Variants in NRG1 observed in about 807,000 individuals in gnomAD.
The protein encoded by NRG1 is pro-neuregulin-1, membrane-bound isoform.
A neutral mutation model predicts 63.8 loss-of-function variants in NRG1; 18 were observed. The ratio of observed to expected loss-of-function variants is 0.28; its 90% CI spans 0.19 to 0.42. NRG1 has a LOEUF of 0.42. Ranked by LOEUF, NRG1 falls within the 10% of genes least tolerant of loss-of-function variation. NRG1 has a pLI of 1.00. For missense variants in NRG1, 762 were observed against 814.7 expected, an observed-to-expected ratio of 0.94 and a Z score of 0.79; for synonymous variants, 302 against 301.3, an observed-to-expected ratio of 1.00 and a Z score of -0.02.
In NRG1 at chr8:31,640,823, C is replaced by CAG; in HGVS notation, c.37+1395_37+1396dup. 13 of 1,416,304 alleles carry CAG rather than the reference C, an allele frequency of 9.2e-6. No homozygotes were observed. The highest frequency in any genetic ancestry group is 1.1e-5 in the Non-Finnish European group (12 of 1,087,474). The allele number at this position is 1,416,304 out of a possible 1,614,324, so 87.7% of individuals were successfully genotyped here. A position where few individuals can be genotyped will look rare whatever the true frequency, so the allele number is the denominator to read the frequency against. ...GGGCTCGACGGCCGCCCGAGCAAGG[C>CAG]AGAGGCGCTCTGGGTCCCAGTTGTT... On this transcript the variant is annotated intron_variant, in intron 1 of 10. Coordinates refer to the NRG1 transcript ENST00000519301. This position sits in a 1 kb window ranked among gnomAD's most constrained non-coding sequence, Gnocchi z 6.3.
At chr8:31,748,575 C>G (rs911955674) in intron 1 of NRG1, among the ~76,000 whole-genome samples, 10 of 151,812 alleles carry the variant, frequency 6.6e-5, no homozygotes, top group African/African-American at 2.4e-4. Context: ...TATGGCTGAC[C>G]TAGAGCAGTG....
At chr8:32,672,388 T>G (rs958850915) in intron 5 of NRG1, among the ~76,000 whole-genome samples, 5 of 152,164 alleles carry the variant, frequency 3.3e-5, no homozygotes, top group Non-Finnish European at 7.3e-5. Context: ...TTATTCACTA[T>G]TGCTGACATC....
intron 1 of NRG1, among the ~76,000 whole-genome samples, chr8:31,909,096 TAC>T (rs1832744727): frequency 6.6e-6 from 1 of 152,192 alleles, no homozygotes; most frequent in Non-Finnish European, 1.5e-5. Context: ...AGTAAAAAGC[TAC>T]ACTTTGTGGC....
At chr8:32,030,145 A>G (rs1030561430) in intron 1 of NRG1, among the ~76,000 whole-genome samples, 2 of 152,208 alleles carry the variant, frequency 1.3e-5, no homozygotes, top group Non-Finnish European at 2.9e-5. Flanking sequence ...TCATTGATAC[A>G]TTTCAAAATA....
intron 1 of NRG1, among the ~76,000 whole-genome samples, chr8:32,294,640 G>A (rs1854621221): frequency 6.6e-6 from 1 of 152,174 alleles, no homozygotes; most frequent in Admixed American, 6.5e-5. Flanking sequence ...TCTGAAAAGA[G>A]CAAGTTCTGC....
intron 1 of NRG1, among the ~76,000 whole-genome samples, chr8:32,403,584 T>C (rs984826476): frequency 1.3e-5 from 2 of 152,190 alleles, no homozygotes; most frequent in African/African-American, 2.4e-5. Flanking sequence ...AAATAGAGTA[T>C]CTGAATCCCT....
chr8:31,821,796 C>T (rs1824030958), intron 1 of NRG1, among the ~76,000 whole-genome samples: 2 of 151,934 alleles, frequency 1.3e-5, no homozygotes, highest in Admixed American at 6.6e-5. Flanking sequence ...AGCATGAATT[C>T]TCACTTTTCT....
At chr8:31,776,170 G>A (rs533305184) in intron 1 of NRG1, among the ~76,000 whole-genome samples, 59 of 152,302 alleles carry the variant, frequency 3.9e-4, no homozygotes, top group African/African-American at 1.3e-3. Context: ...TGTGGAACTC[G>A]AGGGGTTGGC....
chr8:31,671,072 C>G (rs1434101475), intron 1 of NRG1, among the ~76,000 whole-genome samples: 1 of 152,168 alleles, frequency 6.6e-6, no homozygotes, highest in Non-Finnish European at 1.5e-5. Flanking sequence ...GTTTTCTGTT[C>G]CTGTGTTAAT....
At chr8:32,721,736 G>C in intron 5 of NRG1, 1 of 832,134 alleles carries the variant, frequency 1.2e-6, no homozygotes, top group Non-Finnish European at 1.6e-6. Context: ...CAAGGCTTCC[G>C]TGGTTCTGAG....
chr8:32,771,456 T>A (rs2129066844), downstream of NRG1, among the ~76,000 whole-genome samples: 1 of 151,504 alleles, frequency 6.6e-6, no homozygotes, highest in African/African-American at 2.4e-5. Flanking sequence ...CAGTATAAGT[T>A]CAGCTTGCTT....
At position 32,537,195 on chromosome 8, in the gene NRG1, C is replaced by CAAAAAAAAAAAAAAA. The variant is rs71208193; in HGVS notation, c.38-58622_38-58608dup. Reference sequence around the variant, plus strand: ...TCAGTGGCACAGTGAGACTCCATCTCAAAAAAAAAAAAAAAAAAAAAAAAA... The same window carrying CAAAAAAAAAAAAAAA: ...TCAGTGGCACAGTGAGACTCCATCTCAAAAAAAAAAAAAAAAAAAAAAAAAAAAAAAAAAAAAAAA... On this transcript the variant is annotated intron_variant, in intron 1 of 10. Coordinates refer to the NRG1 transcript ENST00000519301. 2.0e-3 allele frequency among the ~76,000 whole-genome samples: 86 copies of CAAAAAAAAAAAAAAA among 43,812 alleles called. 6 individuals carry two copies. Among genetic ancestry groups the CAAAAAAAAAAAAAAA allele is most frequent in the Non-Finnish European group, 2.7e-3 (74 of 27,084 alleles). The allele number at this position is 43,812 out of a possible 152,430, so 28.7% of individuals were successfully genotyped here.
chr8:32,759,154 T>G, intron 9 of NRG1, 152 bp from the exon 10 acceptor site: 1 of 858,984 alleles, frequency 1.2e-6, no homozygotes, highest in Non-Finnish European at 1.7e-6. Context: ...CACCTGGCCA[T>G]TGGGGAAATG....
chr8:31,768,988 G>A (rs963684090), intron 1 of NRG1, among the ~76,000 whole-genome samples: 2 of 152,158 alleles, frequency 1.3e-5, no homozygotes, highest in Admixed American at 6.6e-5. Context: ...TGCAGATGCA[G>A]TTGCATGAGA....
intron 1 of NRG1, among the ~76,000 whole-genome samples, chr8:31,830,908 A>G (rs1248191296): frequency 1.3e-5 from 2 of 152,136 alleles, no homozygotes; most frequent in Non-Finnish European, 2.9e-5. Context: ...CAATACCACC[A>G]TCCACTTTAC....
intron 5 of NRG1, among the ~76,000 whole-genome samples, chr8:32,727,112 GC>G (rs1193834702): frequency 6.6e-6 from 1 of 152,122 alleles, no homozygotes; most frequent in Non-Finnish European, 1.5e-5. Flanking sequence ...GTGGCCTGGG[GC>G]TGAGAGCTTT....
At chr8:32,326,426 C>G (rs903611317) in intron 1 of NRG1, among the ~76,000 whole-genome samples, 16 of 151,170 alleles carry the variant, frequency 1.1e-4, no homozygotes, top group African/African-American at 3.9e-4. Context: ...ATTCTCCCAT[C>G]TCAGTCTCCC....
chr8:32,413,038 G>A (rs181271886), intron 1 of NRG1, among the ~76,000 whole-genome samples: 109 of 152,214 alleles, frequency 7.2e-4, no homozygotes, highest in African/African-American at 2.5e-3. Context: ...CCCAGATACC[G>A]CGTGCTCCAT....
At chr8:32,308,088 A>G (rs761826157) in intron 1 of NRG1, among the ~76,000 whole-genome samples, 8 of 152,070 alleles carry the variant, frequency 5.3e-5, no homozygotes, top group African/African-American at 1.9e-4. Flanking sequence ...ATTTCTTTCT[A>G]GGGTGTCTCT....
Sources: gnomAD v4.1 joint callset for allele counts (sites outside exome capture counted in the v4.1 genomes callset) on GRCh38, gnomAD v4.1.1 for gene constraint, Gnocchi (gnomAD v3.1) non-coding constraint, MANE v1.5 for transcripts, NCBI Gene and HGNC (gene_info 2026-07-23, HGNC 2026-07-21) for gene names.